Variants in RRAGB observed in about 807,000 individuals in gnomAD.
RRAGB encodes ras-related GTP-binding protein B.
RRAGB carries 6 observed loss-of-function variants against 29.3 expected under a neutral mutation model. That is an observed-to-expected ratio of 0.21 (90% CI 0.11 to 0.40). The LOEUF (loss-of-function observed/expected upper bound fraction) is 0.40, where lower values mean the gene tolerates loss of function less well. RRAGB is among the 10% of genes least tolerant of loss of function. The pLI is 1.00. For synonymous variants in RRAGB, 101 were observed against 92.5 expected, an observed-to-expected ratio of 1.09 and a Z score of -0.53; for missense variants, 184 against 272.9, an observed-to-expected ratio of 0.67 and a Z score of 2.29.
At chrX:55,747,573 T>A (rs1332536369) in intron 5 of RRAGB, among the ~76,000 whole-genome samples, 1 of 112,088 alleles carries the variant, frequency 8.9e-6, no homozygotes, top group Non-Finnish European at 1.9e-5. Flanking sequence ...TCATATTTGT[T>A]ATTTTGACAA....
chrX:55,747,550 C>G (rs1230149520), intron 5 of RRAGB, among the ~76,000 whole-genome samples: 1 of 111,960 alleles, frequency 8.9e-6, no homozygotes, highest in Admixed American at 9.4e-5. Context: ...CAATTAGGAT[C>G]AGCCAGCCAA....
intron 2 of RRAGB, among the ~76,000 whole-genome samples, chrX:55,720,246 T>A (rs2033216778): frequency 8.9e-6 from 1 of 112,059 alleles, no homozygotes; most frequent in Admixed American, 9.5e-5. Context: ...GAACAAAAAT[T>A]AGCTTGATTT....
At chrX:55,755,674 C>G in intron 7 of RRAGB, 167 bp from the exon 8 acceptor site, 1 of 997,913 alleles carries the variant, frequency 1.0e-6, no homozygotes, top group Middle Eastern at 3.4e-4. Flanking sequence ...TGAAACCACA[C>G]AGAATGTTGA....
chrX:55,753,959 C>T (rs1274086841), intron 7 of RRAGB, among the ~76,000 whole-genome samples: 1 of 111,798 alleles, frequency 8.9e-6, no homozygotes, highest in Non-Finnish European at 1.9e-5. Flanking sequence ...GCAGGAGAAT[C>T]GCTTGAACTC....
intron 5 of RRAGB, among the ~76,000 whole-genome samples, chrX:55,744,995 G>A (rs1002395573): frequency 4.5e-5 from 5 of 111,538 alleles, no homozygotes; most frequent in African/African-American, 1.6e-4. Flanking sequence ...TTGTAGGAGG[G>A]GCCAGATGCA....
chrX:55,751,364 T>A, intron 6 of RRAGB, 168 bp downstream of exon 6: 1 of 372,692 alleles, frequency 2.7e-6, no homozygotes, highest in Non-Finnish European at 4.6e-6. Flanking sequence ...AACTTAACAT[T>A]AAGAGACTTG....
chrX:55,752,949 T>C (rs2034561775), intron 6 of RRAGB, among the ~76,000 whole-genome samples: 1 of 112,182 alleles, frequency 8.9e-6, no homozygotes, highest in Non-Finnish European at 1.9e-5. Flanking sequence ...GCTCTGCTAC[T>C]TTCATAAAAT....
intron 2 of RRAGB, among the ~76,000 whole-genome samples, chrX:55,720,125 T>C (rs934182011): frequency 8.9e-6 from 1 of 112,219 alleles, no homozygotes; most frequent in African/African-American, 3.2e-5. Flanking sequence ...TAGCTTCATC[T>C]AATAATTCAG....
At chrX:55,746,786 C>G (rs1293101424) in intron 5 of RRAGB, among the ~76,000 whole-genome samples, 4 of 111,847 alleles carry the variant, frequency 3.6e-5, no homozygotes, top group African/African-American at 1.3e-4. Flanking sequence ...TTTCATCCAA[C>G]CATCCAAACA....
intron 6 of RRAGB, among the ~76,000 whole-genome samples, chrX:55,752,806 A>C (rs374888825): frequency 8.9e-6 from 1 of 112,425 alleles, no homozygotes; most frequent in East Asian, 2.8e-4. Flanking sequence ...GCAAAAACAC[A>C]GTAGACCATT....
Position 55,718,466 on chromosome X carries a change from T to C in RRAGB, c.92+47T>C, listed in dbSNP as rs1389102754. The C allele has an allele frequency of 1.2e-5, 10 of 855,533 alleles. No homozygotes were observed. The South Asian group carries it at 2.5e-4, about 22-fold the overall frequency. The allele number at this position is 855,533 out of a possible 1,213,427, so 70.5% of individuals were successfully genotyped here. A position where few individuals can be genotyped will look rare whatever the true frequency, so the allele number is the denominator to read the frequency against. ...AACCTGGAAGTGGGGGTGTTCAAAT[T>C]GAAGAGAGTATTGTGAATTAGAACA... is the stretch of plus-strand genomic sequence containing the variant. On this transcript the variant is annotated intron_variant, in intron 1 of 9. Coordinates refer to ENST00000374941, the MANE Select transcript of RRAGB (RefSeq NM_006064.5).
chrX:55,756,732 T>G (rs1002884030), intron 8 of RRAGB, among the ~76,000 whole-genome samples: 2 of 112,429 alleles, frequency 1.8e-5, no homozygotes, highest in Non-Finnish European at 3.8e-5. Context: ...ATTGAAGAAG[T>G]CTTCTGAAAC....
chrX:55,723,316 A>G (rs1213673545), intron 3 of RRAGB, among the ~76,000 whole-genome samples: 2 of 109,670 alleles, frequency 1.8e-5, no homozygotes, highest in Admixed American at 1.9e-4. Flanking sequence ...TAATTTTTGT[A>G]TTTTTACCAG....
At position 55,742,830 on chromosome X, in the gene RRAGB, A is replaced by T. The variant is rs140321834; in HGVS notation, c.517-8271A>T. On this transcript the variant is annotated intron_variant, in intron 5 of 9. Coordinates refer to ENST00000374941, the MANE Select transcript of RRAGB (RefSeq NM_006064.5). Reference sequence around the variant, plus strand: ...CATTTATTGGACGCTGACTCAGAGCACATACAGCCTCCTAGAGAACCTTGC... The same window carrying T: ...CATTTATTGGACGCTGACTCAGAGCTCATACAGCCTCCTAGAGAACCTTGC... 1.5e-3 allele frequency among the ~76,000 whole-genome samples: 169 copies of T among 111,852 alleles called. 2 individuals are homozygous for T. Among genetic ancestry groups the T allele is most frequent in the African/African-American group, 5.3e-3 (163 of 30,782 alleles).
At chrX:55,742,267 T>C (rs1008182511) in intron 5 of RRAGB, among the ~76,000 whole-genome samples, 3 of 112,679 alleles carry the variant, frequency 2.7e-5, no homozygotes, top group African/African-American at 9.7e-5. Context: ...GATTTTTAAC[T>C]GGTCTTTATA....
intron 7 of RRAGB, 152 bp from the exon 8 acceptor site, chrX:55,755,689 A>G (rs772201684): frequency 7.5e-6 from 8 of 1,061,178 alleles, no homozygotes; most frequent in Non-Finnish European, 8.5e-6. Flanking sequence ...TGTTGATAAT[A>G]TATAGGACAG....
chrX:55,727,703 A>G (rs2033531491), intron 3 of RRAGB, among the ~76,000 whole-genome samples: 1 of 112,042 alleles, frequency 8.9e-6, no homozygotes, highest in Admixed American at 9.5e-5. Context: ...GTTTATAAGA[A>G]GATAAAATTG....
At chrX:55,755,051 T>C (rs1391992252) in intron 7 of RRAGB, 1 of 744,476 alleles carries the variant, frequency 1.3e-6, no homozygotes, top group Non-Finnish European at 1.6e-6. Context: ...TAACAGGTAG[T>C]TTTTGTTTCT....
chrX:55,718,336 A>C lies in RRAGB; in HGVS notation c.9A>C (p.Glu3Asp). 1 of 1,204,221 alleles carries C rather than the reference A, an allele frequency of 8.3e-7. No individual in the cohort carries two copies. Among genetic ancestry groups the C allele is most frequent in the East Asian group, 3.0e-5 (1 of 33,785 alleles). MEESDSEKTTEKE... is the reference protein window; with the variant it reads MEDSDSEKTTEKE... ...AAAGGACTTGTTGCGCAATGGAAGAATCTGACTCTGAGAAAACGACGGAGA... is the reference window on the plus strand; with the variant it reads ...AAAGGACTTGTTGCGCAATGGAAGACTCTGACTCTGAGAAAACGACGGAGA... The change falls in exon 1 of 10, where the codon GAA becomes GAC. Residue 3 changes from glutamate to aspartate, a missense_variant. Glu to Asp is a conservative substitution (Grantham distance 45). Coordinates refer to ENST00000374941, the MANE Select transcript of RRAGB (RefSeq NM_006064.5).
Sources: allele counts gnomAD v4.1 joint callset (sites outside exome capture counted in the v4.1 genomes callset), GRCh38; gene constraint gnomAD v4.1.1; transcripts MANE v1.5; gene names NCBI Gene and HGNC (gene_info 2026-07-23, HGNC 2026-07-21).